FOXJ3: variants seen among roughly 807,000 people sequenced by gnomAD.
FOXJ3 encodes the protein forkhead box J3, also known as forkhead box protein J3.
In FOXJ3, 22 loss-of-function variants were observed where a neutral mutation model predicts 76.1. That is an observed-to-expected ratio of 0.29 (90% CI 0.21 to 0.41). FOXJ3 has a LOEUF of 0.41. Ranked by LOEUF, FOXJ3 falls within the 10% of genes least tolerant of loss-of-function variation. The probability of loss-of-function intolerance (pLI) is 1.00; values close to 1 mark genes in which losing one functional copy is unlikely to be tolerated. For missense variants in FOXJ3, 613 were observed against 762.1 expected (o/e 0.80, Z 2.30); for synonymous variants, 269 against 261.2 (o/e 1.03, Z -0.29).
intron 2 of FOXJ3, among the ~76,000 whole-genome samples, chr1:42,279,631 A>C (rs1462101437): frequency 6.6e-6 from 1 of 152,190 alleles, no homozygotes; most frequent in Non-Finnish European, 1.5e-5. Flanking sequence ...TAAGAATTGA[A>C]GATAAGAATA....
At chr1:42,330,506 C>T (rs1460584051) in intron 1 of FOXJ3, among the ~76,000 whole-genome samples, 1 of 152,060 alleles carries the variant, frequency 6.6e-6, no homozygotes, top group Non-Finnish European at 1.5e-5. Context: ...AGCATGGTGG[C>T]GCGCACCTGT....
At chr1:42,292,076 G>C (rs1018083608) in intron 2 of FOXJ3, among the ~76,000 whole-genome samples, 4 of 151,990 alleles carry the variant, frequency 2.6e-5, no homozygotes, top group African/African-American at 7.3e-5. Context: ...CCTGAGGAGG[G>C]GGGTGCAAGG....
intron 1 of FOXJ3, 130 bp from the exon 2 acceptor site, chr1:42,311,240 A>C: frequency 1.6e-6 from 1 of 615,234 alleles, no homozygotes; most frequent in Non-Finnish European, 2.8e-6. Flanking sequence ...CTACTAAAAG[A>C]ATCACCCCAT....
intron 11 of FOXJ3, among the ~76,000 whole-genome samples, chr1:42,186,012 C>G (rs983470986): frequency 1.3e-5 from 2 of 152,148 alleles, no homozygotes; most frequent in African/African-American, 4.8e-5. Context: ...CTTTCTCCCC[C>G]TGGATTACAA....
rs1403730109 is a variant in FOXJ3, at chr1:42,178,088, TATG to T, written c.*1619_*1621del. The T allele has an allele frequency of 2.0e-5, 3 of 152,482 alleles. No homozygotes were observed. The highest frequency in any genetic ancestry group is 2.0e-4 in the Admixed American group (3 of 15,258). 9.4% of individuals were successfully genotyped at this position (152,482 alleles called of 1,614,324 possible). On this transcript the variant is annotated 3_prime_UTR_variant, in exon 13 of 13. Transcript: ENST00000361346. ...GATAATCAGTCCATGCAAACTGTGA[TATG>T]ATATGAAACAAAACAAACCACCACC...
chr1:42,305,979 A>G (rs1277948593), intron 2 of FOXJ3, among the ~76,000 whole-genome samples: 2 of 152,224 alleles, frequency 1.3e-5, no homozygotes, highest in African/African-American at 4.8e-5. Context: ...CCCCATAAAT[A>G]TACATTTTAC....
chr1:42,278,216 T>C (rs1652440256), intron 3 of FOXJ3, 132 bp downstream of exon 3: 6 of 711,012 alleles, frequency 8.4e-6, no homozygotes, highest in East Asian at 2.7e-5. Flanking sequence ...TAAAAACTTT[T>C]TGACATCCTA....
chr1:42,304,421 C>G (rs1008990992), intron 2 of FOXJ3, among the ~76,000 whole-genome samples: 1 of 151,958 alleles, frequency 6.6e-6, no homozygotes, highest in African/African-American at 2.4e-5. Context: ...TTATACGAAA[C>G]CACCAAAGAC....
At chr1:42,324,235 TAC>T (rs1655680292) in intron 1 of FOXJ3, among the ~76,000 whole-genome samples, 1 of 69,760 alleles carries the variant, frequency 1.4e-5, no homozygotes, top group Non-Finnish European at 3.2e-5. Flanking sequence ...TAGGAATATA[TAC>T]ACACTATATA....
chr1:42,293,569 T>C (rs1478798871), intron 2 of FOXJ3, among the ~76,000 whole-genome samples: 2 of 152,246 alleles, frequency 1.3e-5, no homozygotes, highest in South Asian at 2.1e-4. Flanking sequence ...TTGATATCAA[T>C]AGCAAAAAAA....
rs1557725733 is a variant in FOXJ3, at chr1:42,324,078, T to TAGTATATACACAGTGTATATATAC, written c.-18+10980_-18+10981insGTATATATACACTGTGTATATACT. Among the ~76,000 whole-genome samples, 16 of 71,288 alleles carry TAGTATATACACAGTGTATATATAC rather than the reference T, an allele frequency of 2.2e-4. 2 individuals are homozygous for TAGTATATACACAGTGTATATATAC. Among genetic ancestry groups the TAGTATATACACAGTGTATATATAC allele is most frequent in the African/African-American group, 9.9e-4 (16 of 16,116 alleles). 46.8% of individuals were successfully genotyped at this position (71,288 alleles called of 152,430 possible). On this transcript the variant is annotated intron_variant, in intron 1 of 12. Transcript: ENST00000361346. ...ACACTGTATATACACAGTGTATATA[T>TAGTATATACACAGTGTATATATAC]AGTATATATACTGTATATATACTGT...
At chr1:42,325,100 C>T (rs1358596710) in intron 1 of FOXJ3, among the ~76,000 whole-genome samples, 2 of 152,136 alleles carry the variant, frequency 1.3e-5, no homozygotes, top group Non-Finnish European at 2.9e-5. Flanking sequence ...TTATGTATCA[C>T]ACACAGTGTT....
chr1:42,302,462 C>G (rs1387799817), intron 2 of FOXJ3, among the ~76,000 whole-genome samples: 2 of 152,208 alleles, frequency 1.3e-5, no homozygotes, highest in African/African-American at 4.8e-5. Context: ...GCAGGCCCAC[C>G]TACAGGTCTC....
At chr1:42,264,627 AG>A (rs979817919) in intron 4 of FOXJ3, among the ~76,000 whole-genome samples, 1 of 152,122 alleles carries the variant, frequency 6.6e-6, no homozygotes, top group African/African-American at 2.4e-5. Flanking sequence ...CAACAAAAAA[AG>A]GGAGGAGTCA....
rs572558814 is a variant in FOXJ3 at position 42,246,113 on chromosome 1, G to A, written c.445-18147C>T. 4.7e-4 allele frequency among the ~76,000 whole-genome samples: 72 copies of A among 152,206 alleles called. 2 individuals carry two copies. The South Asian group carries it at 0.012, about 25-fold the overall frequency. On this transcript the variant is annotated intron_variant, in intron 4 of 12. Coordinates refer to ENST00000361346, the MANE Select transcript of FOXJ3 (RefSeq NM_014947.5). ...GACATTGAGTAGACAAAGATTTTACGACTAAGACCTCAAAAGCACAGGCAA... is the reference window on the plus strand; with the variant it reads ...GACATTGAGTAGACAAAGATTTTACAACTAAGACCTCAAAAGCACAGGCAA...
intron 3 of FOXJ3, among the ~76,000 whole-genome samples, chr1:42,271,500 A>G (rs1269576609): frequency 2.6e-5 from 4 of 152,096 alleles, no homozygotes; most frequent in Non-Finnish European, 5.9e-5. Context: ...CCAAACACAT[A>G]ATGTATAATA....
chr1:42,205,867 A>G lies in FOXJ3; in HGVS notation c.529-4T>C. On this transcript the variant is annotated splice_polypyrimidine_tract_variant and splice_region_variant and intron_variant, in intron 5 of 12. Transcript: ENST00000361346. ...CTATGCTATATGGAGTTGAGGCCTAAAATACAAGAACAAAATAAATAATTA... is the reference window on the plus strand; with the variant it reads ...CTATGCTATATGGAGTTGAGGCCTAGAATACAAGAACAAAATAAATAATTA... 6.5e-7 allele frequency: 1 copy of G among 1,534,846 alleles called. No individual in the cohort carries two copies. Among genetic ancestry groups the G allele is most frequent in the Non-Finnish European group, 9.0e-7 (1 of 1,111,484 alleles).
chr1:42,230,303 C>T (rs763008812), intron 4 of FOXJ3, among the ~76,000 whole-genome samples: 1 of 152,084 alleles, frequency 6.6e-6, no homozygotes, highest in Admixed American at 6.5e-5. Context: ...AGTAAGATAA[C>T]ACTTTATACC....
At chr1:42,326,770 A>G (rs958027202) in intron 1 of FOXJ3, among the ~76,000 whole-genome samples, 1 of 152,162 alleles carries the variant, frequency 6.6e-6, no homozygotes, top group Admixed American at 6.6e-5. Context: ...TAAGTCTGAT[A>G]TTATCATATG....
Sources: allele counts gnomAD v4.1 joint callset (sites outside exome capture counted in the v4.1 genomes callset), GRCh38; gene constraint gnomAD v4.1.1; transcripts MANE v1.5; gene names NCBI Gene and HGNC (gene_info 2026-07-23, HGNC 2026-07-21).